Variants in KAT6B observed in about 807,000 individuals in gnomAD.
KAT6B encodes the protein histone acetyltransferase KAT6B.
Under a neutral mutation model 187.5 loss-of-function variants are expected in KAT6B, and 10 were observed. The ratio of observed to expected loss-of-function variants is 0.05; its 90% CI spans 0.03 to 0.09. The LOEUF (loss-of-function observed/expected upper bound fraction) is 0.09. Ranked by LOEUF, KAT6B falls within the 10% of genes least tolerant of loss-of-function variation. The probability of loss-of-function intolerance (pLI) is 1.00; values close to 1 mark genes in which losing one functional copy is unlikely to be tolerated. For missense variants in KAT6B, 1,952 were observed against 2,558.9 expected (o/e 0.76, Z 5.12); for synonymous variants, 861 against 926.8 (o/e 0.93, Z 1.29).
chr10:74,960,581 G>A lies in KAT6B; in HGVS notation c.730+503G>A, dbSNP rs184126387. On this transcript the variant is annotated intron_variant, in intron 4 of 17. Transcript: ENST00000287239. ...AAAAAAAAAAACAAAAACAAAAATCGACAGAACACCATAGCTAATTCTTGT... is the reference window on the plus strand; with the variant it reads ...AAAAAAAAAAACAAAAACAAAAATCAACAGAACACCATAGCTAATTCTTGT... 3.5e-4 allele frequency among the ~76,000 whole-genome samples: 53 copies of A among 150,602 alleles called. No individual in the cohort carries two copies. In the East Asian group the frequency reaches 9.3e-3, roughly 27 times the overall value.
intron 3 of KAT6B, among the ~76,000 whole-genome samples, chr10:74,916,599 A>G (rs148307289): frequency 6.5e-4 from 99 of 152,316 alleles, no homozygotes; most frequent in African/African-American, 2.2e-3. Context: ...TATTGACTGT[A>G]CGGGCCATAG....
At chr10:74,923,172 T>C (rs1326149715) in intron 3 of KAT6B, among the ~76,000 whole-genome samples, 1 of 152,208 alleles carries the variant, frequency 6.6e-6, no homozygotes, top group African/African-American at 2.4e-5. Context: ...AAGACAACTT[T>C]ATCAATGAGT....
At chr10:74,947,462 A>G (rs1430645340) in intron 3 of KAT6B, among the ~76,000 whole-genome samples, 1 of 152,236 alleles carries the variant, frequency 6.6e-6, no homozygotes, top group Non-Finnish European at 1.5e-5. Context: ...AGAAACTGAT[A>G]AGAAAGTACC....
chr10:74,864,278 C>T (rs1195912780), intron 3 of KAT6B, among the ~76,000 whole-genome samples: 3 of 152,058 alleles, frequency 2.0e-5, no homozygotes, highest in Non-Finnish European at 4.4e-5. Flanking sequence ...GTCTCACTGT[C>T]GCCTAGGTTG....
At chr10:74,920,062 A>G (rs1176497348) in intron 3 of KAT6B, among the ~76,000 whole-genome samples, 1 of 152,034 alleles carries the variant, frequency 6.6e-6, no homozygotes, top group African/African-American at 2.4e-5. Flanking sequence ...GTTCTGACTC[A>G]TGGTGTTTGT....
intron 3 of KAT6B, among the ~76,000 whole-genome samples, chr10:74,894,068 C>G (rs1845820779): frequency 6.6e-6 from 1 of 152,140 alleles, no homozygotes. Context: ...AACTTTGCAG[C>G]CTTTAATCAT....
intron 3 of KAT6B, among the ~76,000 whole-genome samples, chr10:74,862,088 A>G (rs2132298704): frequency 6.6e-6 from 1 of 152,344 alleles, no homozygotes; most frequent in Non-Finnish European, 1.5e-5. Flanking sequence ...ACACATCCCA[A>G]GGGAAACCAT....
intron 3 of KAT6B, among the ~76,000 whole-genome samples, chr10:74,902,529 C>T (rs766939360): frequency 6.6e-6 from 1 of 152,180 alleles, no homozygotes; most frequent in Non-Finnish European, 1.5e-5. Flanking sequence ...CAGTTAAAAT[C>T]TCCTGTAAAC....
At chr10:74,985,018 A>C (rs1279394875) in intron 11 of KAT6B, 62 bp from the exon 12 acceptor site, 18 of 1,448,988 alleles carry the variant, frequency 1.2e-5, no homozygotes, top group Admixed American at 1.7e-5. Context: ...CATATAGAAG[A>C]AACAATTTTA....
At chr10:74,974,253 C>T (rs916811360) in intron 7 of KAT6B, among the ~76,000 whole-genome samples, 2 of 152,178 alleles carry the variant, frequency 1.3e-5, no homozygotes, top group Admixed American at 6.5e-5. Context: ...GGTAGCTGCA[C>T]CTACCTCCCC....
chr10:74,933,546 C>A (rs1036067967), intron 3 of KAT6B, among the ~76,000 whole-genome samples: 1 of 152,176 alleles, frequency 6.6e-6, no homozygotes, highest in Non-Finnish European at 1.5e-5. Context: ...AAAGCTAAAT[C>A]AATAAACTAC....
chr10:74,987,055 C>T (rs1407793091), intron 12 of KAT6B, among the ~76,000 whole-genome samples: 9 of 152,186 alleles, frequency 5.9e-5, no homozygotes, highest in Non-Finnish European at 8.8e-5. Context: ...ATGGCAGCAG[C>T]TGCTGTTATT....
intron 13 of KAT6B, among the ~76,000 whole-genome samples, chr10:74,997,910 G>A (rs1392942091): frequency 6.6e-6 from 1 of 152,054 alleles, no homozygotes; most frequent in Non-Finnish European, 1.5e-5. Context: ...TCAGGAGTTC[G>A]AGACCAGCCT....
At chr10:74,980,170 A>G (rs11001233) in intron 10 of KAT6B, among the ~76,000 whole-genome samples, 5,825 of 152,246 alleles carry the variant, frequency 0.038, 250 homozygotes, top group East Asian at 0.16. Context: ...AAAAATAAAA[A>G]ATAAAAAGGA....
intron 3 of KAT6B, among the ~76,000 whole-genome samples, chr10:74,852,147 C>G (rs1842520490): frequency 6.6e-6 from 1 of 152,140 alleles, no homozygotes; most frequent in Non-Finnish European, 1.5e-5. Flanking sequence ...AATTATAGAG[C>G]CTGAATGTCC....
chr10:74,974,195 G>T (rs1309507066), intron 7 of KAT6B, among the ~76,000 whole-genome samples: 1 of 152,148 alleles, frequency 6.6e-6, no homozygotes, highest in African/African-American at 2.4e-5. Context: ...GGCTGAATTG[G>T]TGGTGCCAGG....
intron 3 of KAT6B, among the ~76,000 whole-genome samples, chr10:74,938,889 T>C (rs1285408056): frequency 2.0e-5 from 3 of 151,942 alleles, no homozygotes; most frequent in Admixed American, 1.3e-4. Flanking sequence ...GGTGCCCGCC[T>C]CTATACCTGG....
In KAT6B at chr10:75,029,471, C is replaced by A; in HGVS notation, c.4647C>A (p.Thr1549=). 6.2e-7 allele frequency: 1 copy of A among 1,614,100 alleles called. No homozygotes were observed. The highest frequency in any genetic ancestry group is 2.2e-5 in the East Asian group (1 of 44,880). The part of the protein sequence containing the change: ...SETVQAVQSL[T]QESSEQDDTF... ...CTGTCCAGGCCGTTCAGTCTTTGAC[C>A]CAGGAGAGCAGCGAACAGGACGACA... is the stretch of plus-strand genomic sequence containing the variant. The change falls in exon 18 of 18, where the codon ACC becomes ACA. Residue 1549 remains threonine, a synonymous_variant. Transcript: ENST00000287239. The surrounding 1 kb of genome is among the most constrained non-coding windows in gnomAD (Gnocchi z 6.2).
At chr10:75,025,593 T>C (rs554695914) in intron 17 of KAT6B, 2 of 285,140 alleles carry the variant, frequency 7.0e-6, no homozygotes, top group East Asian at 1.6e-4. Context: ...CATTTAGTTA[T>C]TTCTGAAATC....
Sources: allele counts gnomAD v4.1 joint callset (sites outside exome capture counted in the v4.1 genomes callset), GRCh38; gene constraint gnomAD v4.1.1; non-coding constraint Gnocchi (gnomAD v3.1); transcripts MANE v1.5; gene names NCBI Gene and HGNC (gene_info 2026-07-23, HGNC 2026-07-21).